MECOM: variants seen among roughly 807,000 people sequenced by gnomAD.
MECOM encodes the protein histone-lysine N-methyltransferase MECOM.
Under a neutral mutation model 116.3 loss-of-function variants are expected in MECOM, and 13 were observed. The observed-to-expected ratio is 0.11, with a 90% CI of 0.07 to 0.18. MECOM has a LOEUF of 0.18. Among genes scored for constraint, MECOM ranks in the 10% least tolerant of loss-of-function variants. MECOM has a pLI of 1.00. For synonymous variants in MECOM, 528 were observed against 535.2 expected, an observed-to-expected ratio of 0.99 and a Z score of 0.19; for missense variants, 1,299 against 1,509.0, an observed-to-expected ratio of 0.86 and a Z score of 2.31.
At chr3:169,250,640 A>T (rs1176570971) in intron 2 of MECOM, among the ~76,000 whole-genome samples, 1 of 152,164 alleles carries the variant, frequency 6.6e-6, no homozygotes, top group Non-Finnish European at 1.5e-5. Flanking sequence ...GTAGTTTATT[A>T]TGTCTGTGAG....
chr3:169,343,025 C>T (rs932882429), intron 2 of MECOM, among the ~76,000 whole-genome samples: 2 of 152,060 alleles, frequency 1.3e-5, no homozygotes, highest in East Asian at 1.9e-4. Context: ...GATTACAATG[C>T]TTGTCATAAA....
rs915649037 is a variant in MECOM at position 169,195,087 on chromosome 3, T to C, written c.376-51255A>G. 1.3e-5 allele frequency among the ~76,000 whole-genome samples: 2 copies of C among 152,130 alleles called. 1 individual carries two copies. The highest frequency in any genetic ancestry group is 4.1e-4 in the South Asian group (2 of 4,834). ...AATAAGAACAGTCATACCTGCTCTA[T>C]TTGCATGAACTTTTTGTGATCATCA... On this transcript the variant is annotated intron_variant, in intron 2 of 16. Coordinates refer to ENST00000651503, the MANE Select transcript of MECOM (RefSeq NM_004991.4).
intron 1 of MECOM, among the ~76,000 whole-genome samples, chr3:169,642,446 CAAA>C (rs397950899): frequency 1.2e-4 from 8 of 69,476 alleles, no homozygotes; most frequent in Admixed American, 1.6e-4. Context: ...GACTCCATCT[CAAA>C]AAAAAAAAAA....
At chr3:169,232,751 AT>A (rs2149525474) in intron 2 of MECOM, among the ~76,000 whole-genome samples, 1 of 152,118 alleles carries the variant, frequency 6.6e-6, no homozygotes, top group Admixed American at 6.6e-5. Context: ...ATTCTTGAAA[AT>A]ATTCTTTTTA....
chr3:169,651,867 T>A (rs1327298061), intron 1 of MECOM, among the ~76,000 whole-genome samples: 1 of 152,074 alleles, frequency 6.6e-6, no homozygotes, highest in Non-Finnish European at 1.5e-5. Flanking sequence ...GGGGAAAAAA[T>A]CTGCTGGAAG....
Position 169,116,726 on chromosome 3 carries a change from A to G in MECOM, c.1146T>C (p.His382=). 1 of 1,605,752 alleles carries G rather than the reference A, an allele frequency of 6.2e-7. No individual in the cohort carries two copies. Among genetic ancestry groups the G allele is most frequent in the Non-Finnish European group, 8.5e-7 (1 of 1,175,200 alleles). Residue 382 remains histidine (H), a synonymous_variant, in exon 8 of 17, where the codon CAT becomes CAC. Coordinates refer to ENST00000651503, the MANE Select transcript of MECOM (RefSeq NM_004991.4). The stretch of plus-strand genomic sequence containing the variant: ...GGTTTGAAAACTGAGTATAGGATTT[A>G]TGGCAGACCTCACCTGTGTGCAAAC... ...SVKPFICEVC[H]KSYTQFSNLC...
rs1560196552 is a variant in MECOM, at chr3:169,378,445, GAAAGAAGGAA to G, written c.375+2732_375+2741del. 3.8e-3 allele frequency among the ~76,000 whole-genome samples: 304 copies of G among 79,508 alleles called. 16 individuals are homozygous for G. Among genetic ancestry groups the G allele is most frequent in the African/African-American group, 9.7e-3 (122 of 12,550 alleles). 52.2% of individuals were successfully genotyped at this position (79,508 alleles called of 152,430 possible). A position where few individuals can be genotyped will look rare whatever the true frequency, so the allele number is the denominator to read the frequency against. ...AGAAAGAAAGAAAGAAAGAAAGAAA[GAAAGAAGGAA>G]AGCAAGCAAGCAAGCAAGCAAGAAA... On this transcript the variant is annotated intron_variant, in intron 2 of 16. Coordinates refer to ENST00000651503, the MANE Select transcript of MECOM (RefSeq NM_004991.4).
intron 2 of MECOM, among the ~76,000 whole-genome samples, chr3:169,234,793 C>A (rs1050875779): frequency 6.6e-6 from 1 of 152,140 alleles, no homozygotes; most frequent in East Asian, 1.9e-4. Flanking sequence ...CTTTTTTTGA[C>A]AATACCATCT....
chr3:169,148,698 A>T (rs1253325069), intron 2 of MECOM, among the ~76,000 whole-genome samples: 1 of 152,234 alleles, frequency 6.6e-6, no homozygotes, highest in African/African-American at 2.4e-5. Flanking sequence ...GGATAACACA[A>T]GTGCCACCCA....
At chr3:169,388,411 T>C (rs1213155424) in intron 1 of MECOM, among the ~76,000 whole-genome samples, 2 of 152,004 alleles carry the variant, frequency 1.3e-5, no homozygotes, top group Non-Finnish European at 1.5e-5. Context: ...TAATGCCAGA[T>C]GCACAAACAG....
intron 2 of MECOM, among the ~76,000 whole-genome samples, chr3:169,169,056 CT>C (rs1234354225): frequency 1.3e-5 from 2 of 152,022 alleles, no homozygotes; most frequent in Admixed American, 1.3e-4. Context: ...TTGGTTTCCA[CT>C]TTTTAAAAAG....
intron 1 of MECOM, among the ~76,000 whole-genome samples, chr3:169,465,296 C>T (rs1748103429): frequency 6.6e-6 from 1 of 152,128 alleles, no homozygotes; most frequent in African/African-American, 2.4e-5. Context: ...GTGCTTTTTG[C>T]ACATTTGTAA....
intron 2 of MECOM, among the ~76,000 whole-genome samples, chr3:169,155,377 C>G (rs2149334968): frequency 6.6e-6 from 1 of 152,282 alleles, no homozygotes; most frequent in East Asian, 1.9e-4. Context: ...TTGGACTCCT[C>G]TCCTTCCCTT....
intron 1 of MECOM, among the ~76,000 whole-genome samples, chr3:169,511,490 A>G (rs920933843): frequency 2.6e-5 from 4 of 152,200 alleles, no homozygotes; most frequent in Non-Finnish European, 4.4e-5. Context: ...GGCCAGGTGC[A>G]GTGGCTCATG....
chr3:169,482,691 T>C (rs1751510127), intron 1 of MECOM, among the ~76,000 whole-genome samples: 1 of 152,178 alleles, frequency 6.6e-6, no homozygotes, highest in South Asian at 2.1e-4. Flanking sequence ...ATTGTCTCCT[T>C]GGCAGTTCAT....
intron 2 of MECOM, among the ~76,000 whole-genome samples, chr3:169,245,070 C>T (rs1310601598): frequency 6.6e-6 from 1 of 152,168 alleles, no homozygotes; most frequent in African/African-American, 2.4e-5. Context: ...ATAAAAGAAT[C>T]ATATGACTCC....
At chr3:169,265,916 G>C (rs1758239060) in intron 2 of MECOM, among the ~76,000 whole-genome samples, 1 of 152,152 alleles carries the variant, frequency 6.6e-6, no homozygotes, top group Admixed American at 6.5e-5. Flanking sequence ...TTACTCAGGG[G>C]ACAGAGTAAC....
chr3:169,606,471 A>G (rs1417423873), intron 1 of MECOM, among the ~76,000 whole-genome samples: 2 of 152,150 alleles, frequency 1.3e-5, no homozygotes, highest in Non-Finnish European at 2.9e-5. Flanking sequence ...TTTAAATGAT[A>G]AACGTGTTGG....
intron 1 of MECOM, among the ~76,000 whole-genome samples, chr3:169,514,746 C>T (rs1756415886): frequency 2.0e-5 from 3 of 152,268 alleles, no homozygotes; most frequent in South Asian, 4.2e-4. Flanking sequence ...TGAATGTTCA[C>T]GGAATGAGTA....
Sources: allele counts gnomAD v4.1 joint callset (sites outside exome capture counted in the v4.1 genomes callset), GRCh38; gene constraint gnomAD v4.1.1; transcripts MANE v1.5; gene names NCBI Gene and HGNC (gene_info 2026-07-23, HGNC 2026-07-21).